The following DNAH7 variants were observed in gnomAD, a reference collection of about 807,000 sequenced individuals.
DNAH7 encodes axonemal beta dynein heavy chain 7.
A neutral mutation model predicts 444.6 loss-of-function variants in DNAH7; 397 were observed. The ratio of observed to expected loss-of-function variants is 0.89; its 90% CI spans 0.82 to 0.97. The LOEUF is 0.97. Among genes scored for constraint, DNAH7 ranks in the 50% least tolerant of loss-of-function variants. DNAH7 has a pLI of 0.00. For synonymous variants in DNAH7, 1,636 were observed against 1,624.4 expected, an observed-to-expected ratio of 1.01 and a Z score of -0.17; for missense variants, 4,902 against 4,800.8, an observed-to-expected ratio of 1.02 and a Z score of -0.62.
chr2:195,791,593 G>C (rs1290812942), intron 57 of DNAH7, among the ~76,000 whole-genome samples: 1 of 152,072 alleles, frequency 6.6e-6, no homozygotes, highest in Non-Finnish European at 1.5e-5. Flanking sequence ...CTACTCAAAA[G>C]ACACATGAAC....
chr2:195,749,835 G>A (rs1481071343), intron 63 of DNAH7, among the ~76,000 whole-genome samples: 1 of 142,874 alleles, frequency 7.0e-6, no homozygotes, highest in African/African-American at 2.6e-5. Flanking sequence ...ACTGTTGTGG[G>A]GAAGGGGGAG....
chr2:195,791,439 T>G (rs1449707788), intron 57 of DNAH7, among the ~76,000 whole-genome samples: 2 of 149,534 alleles, frequency 1.3e-5, no homozygotes, highest in African/African-American at 4.9e-5. Context: ...GAAAAGGGAA[T>G]GCTTATACAC....
rs1272333401 is a variant in DNAH7 at position 195,895,155 on chromosome 2, T to C, written c.4717A>G (p.Ile1573Val). 3 of 1,613,238 alleles carry C rather than the reference T, an allele frequency of 1.9e-6. No homozygotes were observed. The highest frequency in any genetic ancestry group is 1.1e-5 in the South Asian group (1 of 90,996). Residue 1573 changes from isoleucine to valine, a missense_variant, in exon 30 of 65, where the codon ATC becomes GTC. Physicochemically the swap from Ile to Val is conservative, Grantham distance 29 (BLOSUM62 3). Coordinates refer to ENST00000312428, the MANE Select transcript of DNAH7 (RefSeq NM_018897.3). ...TTCATGGAGGCACAATTGTCTTTGA[T>C]AGCTGCCAGCAAATCATTGTAATCT... is the stretch of plus-strand genomic sequence containing the variant. ...KPDYNDLLAA[I>V]KDNCASMNLQ...
intron 36 of DNAH7, among the ~76,000 whole-genome samples, chr2:195,877,051 T>C (rs1701105046): frequency 6.6e-6 from 1 of 152,234 alleles, no homozygotes; most frequent in Non-Finnish European, 1.5e-5. Context: ...TTTTCATATA[T>C]CTTATTATCT....
intron 1 of DNAH7, chr2:196,068,450 T>A: frequency 1.8e-6 from 1 of 559,186 alleles, no homozygotes; most frequent in South Asian, 2.6e-5. Context: ...TGGCTCCCCC[T>A]GCTGGCGCGC....
rs570067966 is a variant in DNAH7 at position 196,057,049 on chromosome 2, G to A, written c.78+1005C>T. On this transcript the variant is annotated intron_variant, in intron 2 of 64. Coordinates refer to ENST00000312428, the MANE Select transcript of DNAH7 (RefSeq NM_018897.3). ...TTCACCTCTAGAAGCCCGAAGGTCC[G>A]TAATTAAAATCATTCTATGTCTTAA... Among the ~76,000 whole-genome samples, 51 of 152,272 alleles carry A rather than the reference G, an allele frequency of 3.3e-4. 2 individuals carry two copies. The South Asian group carries it at 9.5e-3, about 28-fold the overall frequency.
In DNAH7 at chr2:195,923,720, C is replaced by G. The variant is rs764826384; in HGVS notation, c.3700G>C (p.Val1234Leu). The G allele has an allele frequency of 6.2e-7, 1 of 1,614,076 alleles. No individual in the cohort carries two copies. Among genetic ancestry groups the G allele is most frequent in the Non-Finnish European group, 8.5e-7 (1 of 1,179,998 alleles). The change falls in exon 23 of 65, where the codon GTA (valine) becomes CTA (leucine). Residue 1234 changes from valine (V) to leucine (L), a missense_variant. Coordinates refer to ENST00000312428, the MANE Select transcript of DNAH7 (RefSeq NM_018897.3). ...VRGKLSMQNR[V>L]TLGALVVLDV... The stretch of plus-strand genomic sequence containing the variant: ...AGTACCACAAGTGCTCCCAGAGTTA[C>G]GCGATTCTGCATGGACAATTTGCCA...
At chr2:196,030,616 G>A (rs1695991586) in intron 5 of DNAH7, among the ~76,000 whole-genome samples, 1 of 152,180 alleles carries the variant, frequency 6.6e-6, no homozygotes, top group African/African-American at 2.4e-5. Flanking sequence ...AGATATAATG[G>A]GGGTACAGGT....
At position 195,754,519 on chromosome 2, in the gene DNAH7, G is replaced by T. The variant is rs769244882; in HGVS notation, c.11587-5C>A. ...AGGACCAACCTCATACCATTGCTAGGGTGTAAAACACAAGTGGGCTAACAG... is the reference window on the plus strand; with the variant it reads ...AGGACCAACCTCATACCATTGCTAGTGTGTAAAACACAAGTGGGCTAACAG... On this transcript the variant is annotated splice_polypyrimidine_tract_variant and splice_region_variant and intron_variant, in intron 62 of 64. Transcript: ENST00000312428. The T allele has an allele frequency of 6.2e-7, 1 of 1,612,530 alleles. No individual in the cohort carries two copies. Among genetic ancestry groups the T allele is most frequent in the Admixed American group, 1.7e-5 (1 of 59,776 alleles).
intron 54 of DNAH7, among the ~76,000 whole-genome samples, chr2:195,802,820 T>C (rs922796113): frequency 6.6e-6 from 1 of 152,200 alleles, no homozygotes; most frequent in South Asian, 2.1e-4. Flanking sequence ...ATGTACATTG[T>C]ACCCCTTAAG....
chr2:196,006,305 C>A (rs1694371028), intron 10 of DNAH7, among the ~76,000 whole-genome samples: 1 of 151,698 alleles, frequency 6.6e-6, no homozygotes, highest in Admixed American at 6.6e-5. Context: ...GGCCCTGTCT[C>A]CAAAAAAAGA....
At chr2:196,005,299 C>A (rs1211241112) in intron 10 of DNAH7, among the ~76,000 whole-genome samples, 77 of 142,970 alleles carry the variant, frequency 5.4e-4, no homozygotes, top group African/African-American at 1.8e-3. Context: ...AACAAACAAA[C>A]AAACAAAAAT....
chr2:195,972,102 T>C (rs1435066974), intron 16 of DNAH7, 140 bp downstream of exon 16: 3 of 677,242 alleles, frequency 4.4e-6, no homozygotes, highest in East Asian at 2.7e-5. Flanking sequence ...CTCCCACTAA[T>C]ATTTATAGTG....
intron 49 of DNAH7, among the ~76,000 whole-genome samples, chr2:195,820,352 C>G (rs1405280308): frequency 6.6e-6 from 1 of 151,308 alleles, no homozygotes; most frequent in East Asian, 1.9e-4. Context: ...GCATATGGGG[C>G]TTAAAACCTA....
chr2:195,900,817 CAAAT>C (rs1686657707), intron 27 of DNAH7: 1 of 199,478 alleles, frequency 5.0e-6, no homozygotes, highest in African/African-American at 2.4e-5. Context: ...GTTTCCAACA[CAAAT>C]AAATGATAAA....
intron 64 of DNAH7, among the ~76,000 whole-genome samples, chr2:195,738,471 A>G (rs1177540660): frequency 6.6e-6 from 1 of 152,180 alleles, no homozygotes; most frequent in Non-Finnish European, 1.5e-5. Context: ...ACTGAGAATC[A>G]TGTGCCTTTA....
At position 195,857,461 on chromosome 2, in the gene DNAH7, T is replaced by A. The variant is rs1277138944; in HGVS notation, c.8330A>T (p.Asp2777Val). Residue 2777 changes from aspartate to valine, a missense_variant, in exon 44 of 65, where the codon GAT (aspartate) becomes GTT (valine). Coordinates refer to ENST00000312428, the MANE Select transcript of DNAH7 (RefSeq NM_018897.3). ...IIRKNYIPNPDFVPEKIRNAS... is the reference protein window; with the variant it reads ...IIRKNYIPNPVFVPEKIRNAS... The stretch of plus-strand genomic sequence containing the variant: ...ATTTCTGATTTTTTCTGGTACAAAA[T>A]CTGGATTTGGAATATAATTTTTTCT... The A allele has an allele frequency of 6.2e-7, 1 of 1,613,386 alleles. No homozygotes were observed. Among genetic ancestry groups the A allele is most frequent in the Non-Finnish European group, 8.5e-7 (1 of 1,179,808 alleles).
At chr2:195,984,126 C>T (rs1421276756) in intron 15 of DNAH7, among the ~76,000 whole-genome samples, 1 of 152,090 alleles carries the variant, frequency 6.6e-6, no homozygotes, top group Non-Finnish European at 1.5e-5. Context: ...TGTACCATGA[C>T]ATGAGAACAC....
rs758325286 is a variant in DNAH7, at chr2:195,907,045, T to C, written c.4105-36A>G. 4.0e-6 allele frequency: 6 copies of C among 1,505,026 alleles called. No individual in the cohort carries two copies. In the South Asian group the frequency reaches 7.0e-5, roughly 18 times the overall value. 93.2% of individuals were successfully genotyped at this position (1,505,026 alleles called of 1,614,324 possible). ...AGAGTAATGAAAATTTTTGACTTTA[T>C]CTGATTCAATGTTGCAATGAAATGT... is the stretch of plus-strand genomic sequence containing the variant. On this transcript the variant is annotated intron_variant, in intron 25 of 64. Transcript: ENST00000312428.
Sources: gnomAD v4.1 joint callset for allele counts (sites outside exome capture counted in the v4.1 genomes callset) on GRCh38, gnomAD v4.1.1 for gene constraint, MANE v1.5 for transcripts, NCBI Gene and HGNC (gene_info 2026-07-23, HGNC 2026-07-21) for gene names.